Variants in NTRK3 observed in about 807,000 individuals in gnomAD.
The protein encoded by NTRK3 is NT-3 growth factor receptor.
Under a neutral mutation model 91.7 loss-of-function variants are expected in NTRK3, and 24 were observed. The ratio of observed to expected loss-of-function variants is 0.26; its 90% CI spans 0.19 to 0.37. The LOEUF is 0.37. NTRK3 is among the 10% of genes least tolerant of loss of function. The pLI is 1.00. For missense variants in NTRK3, 880 were observed against 1,068.9 expected, an observed-to-expected ratio of 0.82 and a Z score of 2.46; for synonymous variants, 483 against 404.0, an observed-to-expected ratio of 1.20 and a Z score of -2.34.
chr15:88,218,617 C>T (rs778064940), intron 3 of NTRK3, among the ~76,000 whole-genome samples: 4 of 152,204 alleles, frequency 2.6e-5, no homozygotes, highest in Non-Finnish European at 4.4e-5. Context: ...GAGCCCTGTG[C>T]ACCACTCTTG....
exon 19 of NTRK3, chr15:87,872,335 C>G (rs909159086): frequency 9.0e-6 from 2 of 223,056 alleles, no homozygotes; most frequent in East Asian, 6.5e-5. Context: ...AAAAGGGGAA[C>G]AAAGAAAGTC....
chr15:87,932,986 T>C (rs1205960013), intron 16 of NTRK3, 26 bp downstream of exon 16: 2 of 1,613,266 alleles, frequency 1.2e-6, no homozygotes, highest in Non-Finnish European at 8.5e-7. Context: ...TGGGGTCAGG[T>C]GCAGGGGAAG....
intron 14 of NTRK3, among the ~76,000 whole-genome samples, chr15:87,994,670 A>G (rs551326884): frequency 1.3e-5 from 2 of 152,318 alleles, no homozygotes; most frequent in East Asian, 1.9e-4. Flanking sequence ...CTAGCAAACT[A>G]AAACAGGAAT....
chr15:88,254,947 C>A (rs144217110), intron 3 of NTRK3, among the ~76,000 whole-genome samples: 125 of 152,278 alleles, frequency 8.2e-4, no homozygotes, highest in Non-Finnish European at 1.1e-3. Flanking sequence ...CAGTCCCCAG[C>A]CCTCGATCTG....
intron 17 of NTRK3, among the ~76,000 whole-genome samples, chr15:87,921,964 C>G (rs1274699179): frequency 6.6e-6 from 1 of 151,958 alleles, no homozygotes; most frequent in African/African-American, 2.4e-5. Context: ...ACTTTATAAT[C>G]TTCATCTGCC....
intron 5 of NTRK3, among the ~76,000 whole-genome samples, chr15:88,177,734 T>A (rs1209526222): frequency 6.6e-6 from 1 of 152,174 alleles, no homozygotes; most frequent in East Asian, 1.9e-4. Flanking sequence ...GAATACAAAT[T>A]TGGGAGTTGG....
At chr15:88,104,440 T>C (rs1381401901) in intron 13 of NTRK3, among the ~76,000 whole-genome samples, 1 of 152,224 alleles carries the variant, frequency 6.6e-6, no homozygotes, top group Non-Finnish European at 1.5e-5. Flanking sequence ...CACTTTTTCC[T>C]TGCTGTGTGG....
At chr15:87,943,790 C>G (rs537379353) in intron 14 of NTRK3, among the ~76,000 whole-genome samples, 1 of 152,046 alleles carries the variant, frequency 6.6e-6, no homozygotes, top group Non-Finnish European at 1.5e-5. Flanking sequence ...CCCAGAAGAG[C>G]CTGGCAGCAG....
chr15:88,147,609 G>C (rs904313365), intron 5 of NTRK3, among the ~76,000 whole-genome samples: 1 of 151,678 alleles, frequency 6.6e-6, no homozygotes, highest in Non-Finnish European at 1.5e-5. Flanking sequence ...GATCAGGTTT[G>C]GATAGGCTTT....
intron 13 of NTRK3, among the ~76,000 whole-genome samples, chr15:88,120,370 C>G (rs773374529): frequency 3.3e-5 from 5 of 152,226 alleles, no homozygotes; most frequent in Admixed American, 6.5e-5. Flanking sequence ...TACCTATTAA[C>G]TAACGCTAAT....
chr15:88,166,072 A>C (rs2044910873), intron 5 of NTRK3, among the ~76,000 whole-genome samples: 1 of 152,230 alleles, frequency 6.6e-6, no homozygotes, highest in Non-Finnish European at 1.5e-5. Context: ...GTGAGAAAGC[A>C]CATGACAAAT....
chr15:88,158,990 G>C (rs1304341473), intron 5 of NTRK3, among the ~76,000 whole-genome samples: 1 of 152,208 alleles, frequency 6.6e-6, no homozygotes, highest in Non-Finnish European at 1.5e-5. Flanking sequence ...GAGGGAGAAG[G>C]GAACAGAGGT....
chr15:88,117,421 C>T (rs2052216649), intron 13 of NTRK3, among the ~76,000 whole-genome samples: 1 of 152,182 alleles, frequency 6.6e-6, no homozygotes, highest in Non-Finnish European at 1.5e-5. Context: ...ATATTCTTGT[C>T]TTTCGCCCAA....
intron 14 of NTRK3, among the ~76,000 whole-genome samples, chr15:87,945,490 C>T (rs2070370048): frequency 1.3e-5 from 2 of 152,202 alleles, no homozygotes; most frequent in Non-Finnish European, 2.9e-5. Flanking sequence ...ATCTCTAATC[C>T]ATTGAGGTAA....
chr15:87,880,417 G>A (rs2141469215), exon 18 of NTRK3: 1 of 1,614,092 alleles, frequency 6.2e-7, no homozygotes, highest in Non-Finnish European at 8.5e-7. Flanking sequence ...GGAGCATGGT[G>A]TGTCCTCCCA....
chr15:87,960,189 A>C (rs2072111960), intron 14 of NTRK3, among the ~76,000 whole-genome samples: 1 of 152,192 alleles, frequency 6.6e-6, no homozygotes, highest in Non-Finnish European at 1.5e-5. Flanking sequence ...TGTCAAAGGG[A>C]CCAGAGCACA....
In NTRK3 at chr15:88,241,820, G is replaced by A. The variant is rs766430112; in HGVS notation, c.248+14086C>T. On this transcript the variant is annotated intron_variant, in intron 3 of 18. Transcript: ENST00000394480. The surrounding 1 kb of genome is among the most constrained non-coding windows in gnomAD (Gnocchi z 4.3). ...CCCGGGAATGGACGGAATCTGCCGT[G>A]CACTCTCAGCAAAGCTTGGCCCACC... 6.6e-5 allele frequency among the ~76,000 whole-genome samples: 10 copies of A among 152,176 alleles called. No individual in the cohort carries two copies. The highest frequency in any genetic ancestry group is 1.2e-4 in the Non-Finnish European group (8 of 68,028).
At chr15:88,172,020 G>C (rs150105306) in intron 5 of NTRK3, among the ~76,000 whole-genome samples, 6 of 152,386 alleles carry the variant, frequency 3.9e-5, no homozygotes, top group Non-Finnish European at 7.3e-5. Context: ...TCTGCAGTTT[G>C]CATGAAGTCG....
intron 13 of NTRK3, among the ~76,000 whole-genome samples, chr15:88,064,199 A>G (rs754978583): frequency 5.3e-5 from 8 of 152,244 alleles, no homozygotes; most frequent in Non-Finnish European, 1.0e-4. Context: ...GATTTCTCTT[A>G]AAAAGCCTTT....
Sources: allele counts gnomAD v4.1 joint callset (sites outside exome capture counted in the v4.1 genomes callset), GRCh38; gene constraint gnomAD v4.1.1; non-coding constraint Gnocchi (gnomAD v3.1); transcripts MANE v1.5; gene names NCBI Gene and HGNC (gene_info 2026-07-23, HGNC 2026-07-21).